The following PRKG1 variants were observed in gnomAD, a reference collection of about 807,000 sequenced individuals.
PRKG1 encodes protein kinase cGMP-dependent 1.
In PRKG1, 35 loss-of-function variants were observed where a neutral mutation model predicts 88.1. The ratio of observed to expected loss-of-function variants is 0.40; its 90% CI spans 0.30 to 0.53. The LOEUF is 0.53. Among genes scored for constraint, PRKG1 ranks in the 20% least tolerant of loss-of-function variants. The pLI, the probability that PRKG1 is intolerant of heterozygous loss-of-function variation, is 0.59. For synonymous variants in PRKG1, 303 were observed against 292.5 expected (o/e 1.04, Z -0.37); for missense variants, 540 against 839.8 (o/e 0.64, Z 4.41).
At chr10:51,273,257 A>C (rs1476726903) in intron 2 of PRKG1, among the ~76,000 whole-genome samples, 2 of 150,930 alleles carry the variant, frequency 1.3e-5, no homozygotes, top group African/African-American at 4.9e-5. Context: ...ATACCTGTAA[A>C]CCCAGCCCTT....
chr10:52,232,974 T>G (rs1840561679), intron 9 of PRKG1, among the ~76,000 whole-genome samples: 1 of 152,196 alleles, frequency 6.6e-6, no homozygotes, highest in Non-Finnish European at 1.5e-5. Context: ...CTGTCTGTTC[T>G]TTGAAAACAT....
intron 3 of PRKG1, among the ~76,000 whole-genome samples, chr10:51,609,999 A>T (rs1366569515): frequency 2.0e-5 from 3 of 152,136 alleles, no homozygotes; most frequent in Admixed American, 2.0e-4. Flanking sequence ...TAAATTAAAA[A>T]AAAATTTTTT....
At position 51,953,261 on chromosome 10, in the gene PRKG1, C is replaced by T. The variant is rs534495448; in HGVS notation, c.762+45691C>T. Among the ~76,000 whole-genome samples the T allele has an allele frequency of 2.6e-5, 4 of 152,246 alleles. No individual in the cohort carries two copies. The East Asian group carries it at 7.7e-4, about 29-fold the overall frequency. ...GAGAAAATAATATAAAAGTGGTTCA[C>T]CTTCGCCCCCCAAAATCTCACACAC... On this transcript the variant is annotated intron_variant, in intron 5 of 17. Coordinates refer to ENST00000373980, the MANE Select transcript of PRKG1 (RefSeq NM_006258.4).
chr10:51,882,766 A>G (rs769084780), intron 4 of PRKG1, among the ~76,000 whole-genome samples: 4 of 152,220 alleles, frequency 2.6e-5, no homozygotes, highest in Admixed American at 6.5e-5. Flanking sequence ...CAGAAGAGTC[A>G]TCAATCCTTC....
intron 3 of PRKG1, among the ~76,000 whole-genome samples, chr10:51,563,746 G>T (rs564343851): frequency 6.6e-6 from 1 of 152,184 alleles, no homozygotes; most frequent in Non-Finnish European, 1.5e-5. Flanking sequence ...GAAAAATGAG[G>T]ATGCTTCTCA....
intron 2 of PRKG1, among the ~76,000 whole-genome samples, chr10:51,425,668 T>C (rs1838557015): frequency 6.6e-6 from 1 of 152,212 alleles, no homozygotes; most frequent in Non-Finnish European, 1.5e-5. Flanking sequence ...GAATCAGGCC[T>C]TGGCTAGTTT....
At position 51,858,341 on chromosome 10, in the gene PRKG1, A is replaced by T. The variant is rs1260019021; in HGVS notation, c.699-49166A>T. ...AATATGTATTATATATAATATATATATTATATAAAATATATATATTATATA... is the reference window on the plus strand; with the variant it reads ...AATATGTATTATATATAATATATATTTTATATAAAATATATATATTATATA... On this transcript the variant is annotated intron_variant, in intron 4 of 17. Transcript: ENST00000373980. Among the ~76,000 whole-genome samples, 2 of 20,512 alleles carry T rather than the reference A, an allele frequency of 9.8e-5. 1 individual carries two copies. Among genetic ancestry groups the T allele is most frequent in the Non-Finnish European group, 2.3e-4 (2 of 8,700 alleles). The allele number at this position is 20,512 out of a possible 152,430, so 13.5% of individuals were successfully genotyped here. A position where few individuals can be genotyped will look rare whatever the true frequency, so the allele number is the denominator to read the frequency against.
At chr10:52,020,600 G>A (rs1845158432) in intron 5 of PRKG1, among the ~76,000 whole-genome samples, 1 of 152,182 alleles carries the variant, frequency 6.6e-6, no homozygotes, top group African/African-American at 2.4e-5. Flanking sequence ...CAAGAGTGGT[G>A]TTTAACCTTG....
intron 2 of PRKG1, among the ~76,000 whole-genome samples, chr10:51,274,954 TC>T (rs1385923461): frequency 1.3e-5 from 2 of 152,220 alleles, no homozygotes; most frequent in Non-Finnish European, 2.9e-5. Context: ...CATACCTGCT[TC>T]CTGGAGGCTT....
intron 7 of PRKG1, among the ~76,000 whole-genome samples, chr10:52,077,584 G>A (rs117613303): frequency 0.037 from 5,565 of 152,178 alleles, 121 homozygotes; most frequent in Middle Eastern, 0.058. Flanking sequence ...CATTTTAAAT[G>A]TGCAGCTTAT....
At chr10:51,041,201 A>C (rs142611922) in intron 1 of PRKG1, among the ~76,000 whole-genome samples, 125 of 152,192 alleles carry the variant, frequency 8.2e-4, no homozygotes, top group African/African-American at 2.7e-3. Flanking sequence ...GCCAGGCTCT[A>C]GGTATCCCTT....
At chr10:51,390,244 A>T (rs1276104701) in intron 2 of PRKG1, among the ~76,000 whole-genome samples, 1 of 152,212 alleles carries the variant, frequency 6.6e-6, no homozygotes, top group African/African-American at 2.4e-5. Context: ...AACTGGAATC[A>T]CTGGGTGAGG....
chr10:51,016,625 T>A (rs1241495033), intron 1 of PRKG1, among the ~76,000 whole-genome samples: 1 of 149,050 alleles, frequency 6.7e-6, no homozygotes, highest in African/African-American at 2.5e-5. Context: ...ATTATTTCAT[T>A]TCATTAATTC....
At chr10:51,289,406 TC>T (rs1840524960) in intron 2 of PRKG1, among the ~76,000 whole-genome samples, 1 of 152,210 alleles carries the variant, frequency 6.6e-6, no homozygotes, top group African/African-American at 2.4e-5. Flanking sequence ...TGCTGATGCT[TC>T]CCAGTGAAGC....
intron 1 of PRKG1, among the ~76,000 whole-genome samples, chr10:51,109,464 G>T (rs192300874): frequency 6.6e-6 from 1 of 151,970 alleles, no homozygotes; most frequent in Non-Finnish European, 1.5e-5. Context: ...TGACAAAAGC[G>T]CAAAGGCAAT....
At chr10:51,763,176 A>G (rs1291022486) in intron 3 of PRKG1, among the ~76,000 whole-genome samples, 2 of 152,204 alleles carry the variant, frequency 1.3e-5, no homozygotes, top group Non-Finnish European at 2.9e-5. Flanking sequence ...AATCTTCTAT[A>G]TTGTCTTACC....
At chr10:51,824,680 C>A (rs960376788) in intron 4 of PRKG1, among the ~76,000 whole-genome samples, 6 of 152,078 alleles carry the variant, frequency 3.9e-5, no homozygotes, top group African/African-American at 1.4e-4. Context: ...AGCTTTTACT[C>A]ATGGCAGAAG....
intron 5 of PRKG1, among the ~76,000 whole-genome samples, chr10:52,031,122 AAATAG>A (rs1304995478): frequency 6.6e-6 from 1 of 152,166 alleles, no homozygotes; most frequent in African/African-American, 2.4e-5. Context: ...CCAGGTTGTG[AAATAG>A]AATAAGATAA....
At chr10:51,114,245 G>C (rs1277230009) in intron 1 of PRKG1, among the ~76,000 whole-genome samples, 2 of 152,150 alleles carry the variant, frequency 1.3e-5, no homozygotes, top group Admixed American at 6.5e-5. Context: ...AGCTAGGGAG[G>C]TTGTGGAAAC....
Sources: allele counts gnomAD v4.1 joint callset (sites outside exome capture counted in the v4.1 genomes callset), GRCh38; gene constraint gnomAD v4.1.1; transcripts MANE v1.5; gene names NCBI Gene and HGNC (gene_info 2026-07-23, HGNC 2026-07-21).